The following NXNL2 variants were observed in gnomAD, a reference collection of about 807,000 sequenced individuals.
NXNL2 encodes nucleoredoxin-like protein 2.
A neutral mutation model predicts 11.1 loss-of-function variants in NXNL2; 7 were observed. The observed-to-expected ratio is 0.63, with a 90% CI of 0.36 to 1.18. NXNL2 has a LOEUF of 1.18. Ranked by LOEUF, NXNL2 falls within the 50% of genes most tolerant of loss-of-function variation. The pLI is 0.02. For synonymous variants in NXNL2, 109 were observed against 101.8 expected (o/e 1.07, Z -0.42); for missense variants, 233 against 217.7 (o/e 1.07, Z -0.44).
chr9:88,556,270 G>A (rs1381916831), intron 1 of NXNL2, among the ~76,000 whole-genome samples: 3 of 152,182 alleles, frequency 2.0e-5, no homozygotes, highest in African/African-American at 7.2e-5. Context: ...AGGCCACCTG[G>A]CAATGGCAGA....
At chr9:88,569,018 T>C (rs1830220836) in intron 1 of NXNL2, among the ~76,000 whole-genome samples, 2 of 152,094 alleles carry the variant, frequency 1.3e-5, no homozygotes, top group Admixed American at 1.3e-4. Flanking sequence ...CCTCAACCTC[T>C]CAGGCTCAAG....
chr9:88,576,960 T>G (rs534840589), downstream of NXNL2, among the ~76,000 whole-genome samples: 1 of 11,200 alleles, frequency 8.9e-5, no homozygotes, highest in Non-Finnish European at 1.6e-4. Context: ...ACCCATAGAG[T>G]GGTAGGTAGG....
chr9:88,567,110 T>C (rs766585780), intron 1 of NXNL2, among the ~76,000 whole-genome samples: 5 of 152,172 alleles, frequency 3.3e-5, no homozygotes, highest in African/African-American at 7.2e-5. Flanking sequence ...TGGTACATAG[T>C]AGATTCTCTA....
downstream of NXNL2, among the ~76,000 whole-genome samples, chr9:88,577,556 C>T (rs1447394213): frequency 2.6e-5 from 4 of 151,946 alleles, no homozygotes; most frequent in African/African-American, 7.3e-5. Context: ...CTGATGAAGG[C>T]CTGCTTCCTG....
rs1300245142 is a variant in NXNL2 at position 88,535,402 on chromosome 9, T to A, written c.-33T>A. 6.5e-7 allele frequency: 1 copy of A among 1,545,636 alleles called. No individual in the cohort carries two copies. Among genetic ancestry groups the A allele is most frequent in the African/African-American group, 1.4e-5 (1 of 73,298 alleles). On this transcript the variant is annotated 5_prime_UTR_variant, in exon 1 of 2. Transcript: ENST00000375854. ...GCAGGTGATCATCCTCCTGCAGGTG[T>A]CCTCGGGTCTCAGGTGGCTGCGTGT...
intron 1 of NXNL2, among the ~76,000 whole-genome samples, chr9:88,583,699 C>T (rs959572466): frequency 3.9e-5 from 6 of 152,170 alleles, no homozygotes; most frequent in South Asian, 2.1e-4. Context: ...GAAGCCCTCA[C>T]GCCCAATGTG....
chr9:88,536,591 C>G (rs1191244755), intron 1 of NXNL2, among the ~76,000 whole-genome samples: 1 of 152,168 alleles, frequency 6.6e-6, no homozygotes, highest in African/African-American at 2.4e-5. Flanking sequence ...TTTTGCTTTA[C>G]AGCCTCACAT....
At chr9:88,574,828 C>T (rs554192286) in intron 2 of NXNL2, among the ~76,000 whole-genome samples, 2 of 152,242 alleles carry the variant, frequency 1.3e-5, no homozygotes, top group Admixed American at 6.5e-5. Flanking sequence ...AACTTGCAGA[C>T]GGCCAGGGGC....
downstream of NXNL2, among the ~76,000 whole-genome samples, chr9:88,577,470 T>C (rs1830361713): frequency 6.6e-6 from 1 of 151,994 alleles, no homozygotes; most frequent in Non-Finnish European, 1.5e-5. Flanking sequence ...TACCACAGGC[T>C]GGGGGCTCAA....
At chr9:88,547,604 T>C (rs943132636), downstream of NXNL2, among the ~76,000 whole-genome samples, 22 of 152,288 alleles carry the variant, frequency 1.4e-4, no homozygotes, top group African/African-American at 5.1e-4. Context: ...CAGTAGGGTG[T>C]CCTATGCTAA....
chr9:88,551,638 GCTTCC>G (rs1046609761), intron 1 of NXNL2, among the ~76,000 whole-genome samples: 1 of 152,100 alleles, frequency 6.6e-6, no homozygotes, highest in Non-Finnish European at 1.5e-5. Flanking sequence ...ACCCCAAGTG[GCTTCC>G]CCTTCCCCTT....
downstream of NXNL2, among the ~76,000 whole-genome samples, chr9:88,545,597 C>CT (rs1168552422): frequency 6.6e-6 from 1 of 152,154 alleles, no homozygotes; most frequent in Non-Finnish European, 1.5e-5. Flanking sequence ...ACCCTCTGCG[C>CT]TGTCAGTTAA....
chr9:88,553,922 G>T (rs2118468444), intron 1 of NXNL2, among the ~76,000 whole-genome samples: 1 of 152,186 alleles, frequency 6.6e-6, no homozygotes, highest in South Asian at 2.1e-4. Context: ...TGTATGTGTT[G>T]TCATGATTTT....
intron 1 of NXNL2, among the ~76,000 whole-genome samples, chr9:88,542,795 G>C (rs947801988): frequency 6.6e-6 from 1 of 152,146 alleles, no homozygotes; most frequent in South Asian, 2.1e-4. Flanking sequence ...TCCTGCTTGA[G>C]TGATGGTGTG....
intron 1 of NXNL2, among the ~76,000 whole-genome samples, chr9:88,538,064 T>G (rs1829665813): frequency 6.6e-6 from 1 of 152,082 alleles, no homozygotes. Context: ...GACAACATTC[T>G]CTCCTCCAAA....
At chr9:88,572,775 T>C (rs1428216697) in intron 2 of NXNL2, among the ~76,000 whole-genome samples, 1 of 152,192 alleles carries the variant, frequency 6.6e-6, no homozygotes, top group Non-Finnish European at 1.5e-5. Flanking sequence ...TCCGGCACTT[T>C]GACAGCACCC....
chr9:88,584,110 A>T (rs1450041028), exon 2 of NXNL2: 2 of 152,200 alleles, frequency 1.3e-5, no homozygotes, highest in Non-Finnish European at 2.9e-5. Context: ...CGAAAGCATC[A>T]CTGGGAAGAA....
chr9:88,549,095 C>A (rs1829891192), downstream of NXNL2, among the ~76,000 whole-genome samples: 1 of 152,194 alleles, frequency 6.6e-6, no homozygotes, highest in Non-Finnish European at 1.5e-5. Context: ...TGATAGCAGC[C>A]TGAACAGACA....
intron 1 of NXNL2, among the ~76,000 whole-genome samples, chr9:88,551,423 A>G (rs957494447): frequency 1.3e-5 from 2 of 151,638 alleles, no homozygotes; most frequent in African/African-American, 4.8e-5. Flanking sequence ...CTAGCCCTTT[A>G]TCTGCTATCA....
Sources: gnomAD v4.1 joint callset for allele counts (sites outside exome capture counted in the v4.1 genomes callset) on GRCh38, gnomAD v4.1.1 for gene constraint, MANE v1.5 for transcripts, NCBI Gene and HGNC (gene_info 2026-07-23, HGNC 2026-07-21) for gene names.